Variants in ADGRV1 observed in about 807,000 individuals in gnomAD.
ADGRV1 encodes the protein adhesion G protein-coupled receptor V1.
A neutral mutation model predicts 596.2 loss-of-function variants in ADGRV1; 359 were observed. The ratio of observed to expected loss-of-function variants is 0.60; its 90% CI spans 0.55 to 0.66. ADGRV1 has a LOEUF of 0.66. Ranked by LOEUF, ADGRV1 falls within the 30% of genes least tolerant of loss-of-function variation. ADGRV1 has a pLI of 0.00. For synonymous variants in ADGRV1, 2,681 were observed against 2,679.2 expected (o/e 1.00, Z -0.02); for missense variants, 7,274 against 7,575.6 (o/e 0.96, Z 1.48).
At chr5:91,114,357 T>A (rs1792657682) in intron 87 of ADGRV1, among the ~76,000 whole-genome samples, 1 of 151,920 alleles carries the variant, frequency 6.6e-6, no homozygotes, top group Admixed American at 6.6e-5. Flanking sequence ...TGAAACCCCA[T>A]CTCTACCAAA....
intron 78 of ADGRV1, among the ~76,000 whole-genome samples, chr5:90,842,648 G>T (rs1765533547): frequency 6.6e-6 from 1 of 152,052 alleles, no homozygotes; most frequent in Non-Finnish European, 1.5e-5. Context: ...AACCCAGGAG[G>T]TGGAGGTTGC....
intron 89 of ADGRV1, among the ~76,000 whole-genome samples, chr5:91,154,169 C>T (rs1024867982): frequency 6.6e-6 from 1 of 152,084 alleles, no homozygotes; most frequent in Admixed American, 6.5e-5. Flanking sequence ...ATCAAATATG[C>T]AGTTTAAAAA....
chr5:90,855,957 T>G, intron 82 of ADGRV1, 56 bp downstream of exon 82: 1 of 1,385,542 alleles, frequency 7.2e-7, no homozygotes, highest in Non-Finnish European at 1.0e-6. Context: ...AATGAAAGTC[T>G]GTTTTCCCAT....
intron 84 of ADGRV1, among the ~76,000 whole-genome samples, chr5:90,978,985 T>A (rs1391879162): frequency 6.6e-6 from 1 of 152,132 alleles, no homozygotes; most frequent in East Asian, 1.9e-4. Flanking sequence ...GGTATTATAT[T>A]CTGATAAGCC....
intron 84 of ADGRV1, among the ~76,000 whole-genome samples, chr5:90,971,971 G>T (rs182529012): frequency 6.6e-6 from 1 of 152,190 alleles, no homozygotes; most frequent in African/African-American, 2.4e-5. Context: ...CATGGGCAGA[G>T]ACACACATAG....
intron 1 of ADGRV1, among the ~76,000 whole-genome samples, chr5:90,589,580 T>C (rs935946228): frequency 3.9e-5 from 6 of 152,208 alleles, no homozygotes; most frequent in Non-Finnish European, 8.8e-5. Flanking sequence ...TTTTTGCCTT[T>C]TTTATTTTAT....
intron 84 of ADGRV1, among the ~76,000 whole-genome samples, chr5:90,975,560 A>C (rs951875960): frequency 6.6e-6 from 1 of 152,192 alleles, no homozygotes; most frequent in Admixed American, 6.5e-5. Context: ...AGGGACATGG[A>C]TGAAGCTGGA....
chr5:90,994,283 G>A (rs1406851274), intron 85 of ADGRV1, among the ~76,000 whole-genome samples: 5 of 151,838 alleles, frequency 3.3e-5, no homozygotes, highest in South Asian at 2.1e-4. Context: ...GGCTGGTCTC[G>A]AACTCCTGAC....
At chr5:90,691,119 A>G (rs754691059) in intron 31 of ADGRV1, 78 bp downstream of exon 31, 33 of 1,542,838 alleles carry the variant, frequency 2.1e-5, no homozygotes, top group Non-Finnish European at 2.8e-5. Context: ...GGCCATTGTA[A>G]CATTTTGGAG....
intron 48 of ADGRV1, 88 bp downstream of exon 48, chr5:90,725,744 T>C: frequency 1.3e-6 from 1 of 784,518 alleles, no homozygotes; most frequent in Non-Finnish European, 2.1e-6. Flanking sequence ...GGTCTGCTGG[T>C]TTAGTATAAA....
chr5:90,949,520 A>C (rs1776880461), intron 83 of ADGRV1, among the ~76,000 whole-genome samples: 1 of 152,186 alleles, frequency 6.6e-6, no homozygotes, highest in South Asian at 2.1e-4. Context: ...TGAATGGGGA[A>C]TTAGTAAGAA....
chr5:90,812,423 T>G (rs1171246514), intron 74 of ADGRV1, among the ~76,000 whole-genome samples: 1 of 152,206 alleles, frequency 6.6e-6, no homozygotes, highest in Non-Finnish European at 1.5e-5. Context: ...GTAGAATAAT[T>G]TAATCAAGCT....
intron 2 of ADGRV1, among the ~76,000 whole-genome samples, chr5:90,616,079 T>C (rs528759989): frequency 1.1e-4 from 17 of 152,194 alleles, no homozygotes; most frequent in Non-Finnish European, 2.2e-4. Context: ...TCTTAAAGCT[T>C]GTGTCATTTT....
chr5:90,963,690 G>A (rs1000212727), intron 83 of ADGRV1, among the ~76,000 whole-genome samples: 3 of 151,136 alleles, frequency 2.0e-5, no homozygotes, highest in African/African-American at 7.3e-5. Context: ...CTTTGGAGTT[G>A]ATTTTTCCCA....
chr5:90,785,484 G>T (rs2150111917), intron 67 of ADGRV1, among the ~76,000 whole-genome samples: 2 of 152,276 alleles, frequency 1.3e-5, no homozygotes, highest in East Asian at 3.9e-4. Context: ...CAGAATGGGA[G>T]AAAATTTTTG....
intron 85 of ADGRV1, among the ~76,000 whole-genome samples, chr5:91,015,145 A>G (rs1783070287): frequency 6.6e-6 from 1 of 152,018 alleles, no homozygotes. Context: ...TTACCCAAAA[A>G]TCATTTAGGA....
At chr5:91,010,681 CCTT>C (rs1335629666) in intron 85 of ADGRV1, among the ~76,000 whole-genome samples, 2 of 151,906 alleles carry the variant, frequency 1.3e-5, no homozygotes, top group African/African-American at 4.8e-5. Context: ...ACAGTGGAAA[CCTT>C]CTGTAAATTT....
At chr5:90,626,768 AAAGC>A (rs1398588958) in intron 6 of ADGRV1, among the ~76,000 whole-genome samples, 10 of 152,236 alleles carry the variant, frequency 6.6e-5, no homozygotes, top group Admixed American at 5.9e-4. Flanking sequence ...CATTTGGAGA[AAAGC>A]AAGAATAATT....
At chr5:91,120,786 A>G (rs1204604291) in intron 87 of ADGRV1, among the ~76,000 whole-genome samples, 1 of 152,194 alleles carries the variant, frequency 6.6e-6, no homozygotes, top group East Asian at 1.9e-4. Flanking sequence ...ACTCATTCTA[A>G]GTCAGGCCAG....
Sources: allele counts gnomAD v4.1 joint callset (sites outside exome capture counted in the v4.1 genomes callset), GRCh38; gene constraint gnomAD v4.1.1; transcripts MANE v1.5; gene names NCBI Gene and HGNC (gene_info 2026-07-23, HGNC 2026-07-21).